The following PARP4 variants were observed in gnomAD, a reference collection of about 807,000 sequenced individuals.
PARP4 encodes the protein protein mono-ADP-ribosyltransferase PARP4.
A neutral mutation model predicts 187.7 loss-of-function variants in PARP4; 120 were observed. The ratio of observed to expected loss-of-function variants is 0.64; its 90% CI spans 0.55 to 0.74. The LOEUF (loss-of-function observed/expected upper bound fraction) is 0.74, where lower values mean the gene tolerates loss of function less well. PARP4 is among the 30% of genes least tolerant of loss of function. PARP4 has a pLI of 0.00. For missense variants in PARP4, 1,836 were observed against 2,070.5 expected, an observed-to-expected ratio of 0.89 and a Z score of 2.20; for synonymous variants, 654 against 740.9, an observed-to-expected ratio of 0.88 and a Z score of 1.90.
rs187301975 is a variant in PARP4 at position 24,509,299 on chromosome 13, G to T, written c.-2+3407C>A. Among the ~76,000 whole-genome samples the T allele has an allele frequency of 3.5e-3, 538 of 152,258 alleles. 1 individual carries two copies. Among genetic ancestry groups the T allele is most frequent in the African/African-American group, 0.012 (517 of 41,562 alleles). Reference sequence around the variant, plus strand: ...AGTGGAGCAAATCGCTTGAGCCCAGGAGTTTGAGAGCAGCCTGGCCAACAT... The same window carrying T: ...AGTGGAGCAAATCGCTTGAGCCCAGTAGTTTGAGAGCAGCCTGGCCAACAT... On this transcript the variant is annotated intron_variant, in intron 1 of 33. Coordinates refer to ENST00000381989, the MANE Select transcript of PARP4 (RefSeq NM_006437.4).
chr13:24,498,267 G>C, intron 5 of PARP4, 38 bp from the exon 6 acceptor site: 1 of 1,280,310 alleles, frequency 7.8e-7, no homozygotes, highest in Non-Finnish European at 1.1e-6. Flanking sequence ...CTGCACTCGG[G>C]AAACATCAAA....
intron 30 of PARP4, among the ~76,000 whole-genome samples, chr13:24,436,557 C>T (rs908670914): frequency 2.0e-5 from 3 of 152,216 alleles, no homozygotes; most frequent in African/African-American, 7.2e-5. Context: ...ATCCTCTCAG[C>T]TTGGCCCCTC....
intron 27 of PARP4, 100 bp from the exon 28 acceptor site, chr13:24,443,830 G>C (rs1423580416): frequency 7.6e-6 from 6 of 792,562 alleles, no homozygotes; most frequent in Non-Finnish European, 1.3e-5. Flanking sequence ...TCTGCATACA[G>C]TAAAATGCAC....
intron 27 of PARP4, among the ~76,000 whole-genome samples, 160 bp downstream of exon 27, chr13:24,446,521 A>T (rs1348846703): frequency 1.3e-5 from 2 of 151,980 alleles, no homozygotes; most frequent in African/African-American, 2.4e-5. Context: ...TTGAAAAAAA[A>T]TTTCATAATG....
chr13:24,442,794 A>G (rs1159477671), intron 28 of PARP4, 109 bp from the exon 29 acceptor site: 2 of 617,184 alleles, frequency 3.2e-6, no homozygotes, highest in Non-Finnish European at 5.9e-6. Context: ...TGCAGGTCCC[A>G]TCTAAATCGG....
intron 23 of PARP4, 112 bp from the exon 24 acceptor site, chr13:24,452,705 T>C: frequency 1.3e-6 from 1 of 776,418 alleles, no homozygotes. Context: ...ACCGAAAATA[T>C]TTTCTTTCCC....
chr13:24,430,126 T>A (rs1870259259), intron 32 of PARP4, among the ~76,000 whole-genome samples: 2 of 152,208 alleles, frequency 1.3e-5, no homozygotes, highest in Admixed American at 1.3e-4. Flanking sequence ...GGAGAGTTAG[T>A]CAGATAGAGG....
Position 24,435,066 on chromosome 13 carries a change from ACTGT to A in PARP4, c.4071_4074del (p.Arg1357SerfsTer49). ...CCTTGGCTGAATTGAGATGCATCAA[ACTGT>A]CTGGGAGGAGCAGCTGAACCGAAAC... On this transcript the variant is annotated frameshift_variant, in exon 31 of 34. Transcript: ENST00000381989. LOFTEE classifies it high-confidence loss of function. 6.2e-7 allele frequency: 1 copy of A among 1,614,138 alleles called. No individual in the cohort carries two copies. The highest frequency in any genetic ancestry group is 8.5e-7 in the Non-Finnish European group (1 of 1,180,030).
chr13:24,422,534 G>C (rs1414355322), intron 33 of PARP4, among the ~76,000 whole-genome samples: 1 of 152,118 alleles, frequency 6.6e-6, no homozygotes, highest in Non-Finnish European at 1.5e-5. Flanking sequence ...ATGTGCTCTT[G>C]CATCAATGTT....
chr13:24,510,368 A>C (rs1869935586), intron 1 of PARP4, among the ~76,000 whole-genome samples: 1 of 151,796 alleles, frequency 6.6e-6, no homozygotes, highest in African/African-American at 2.4e-5. Flanking sequence ...TCCCGGCTAA[A>C]ACGGTGAAAC....
At chr13:24,468,328 G>A (rs1000160553) in intron 17 of PARP4, among the ~76,000 whole-genome samples, 1 of 151,614 alleles carries the variant, frequency 6.6e-6, no homozygotes, top group African/African-American at 2.4e-5. Context: ...CGGCAGAAAT[G>A]CCTCCCTGCT....
intron 32 of PARP4, among the ~76,000 whole-genome samples, chr13:24,429,757 T>C (rs1870241139): frequency 6.6e-6 from 1 of 152,220 alleles, no homozygotes; most frequent in Non-Finnish European, 1.5e-5. Flanking sequence ...ATGTAGAGGT[T>C]AGGAGACAGC....
chr13:24,448,526 A>G (rs1224764007), intron 25 of PARP4, among the ~76,000 whole-genome samples: 3 of 152,064 alleles, frequency 2.0e-5, no homozygotes, highest in African/African-American at 7.2e-5. Flanking sequence ...TGGTGGTGGG[A>G]ATGTAAAATG....
In PARP4 at chr13:24,483,183, C is replaced by T. The variant is rs1254145482; in HGVS notation, c.1448+1470G>A. On this transcript the variant is annotated intron_variant, in intron 12 of 33. Coordinates refer to ENST00000381989, the MANE Select transcript of PARP4 (RefSeq NM_006437.4). ...TACAGGTGTGTGACACAATGCCTGG[C>T]TAATTTTAAAAAGTTTTTTTTGGCC... Among the ~76,000 whole-genome samples the T allele has an allele frequency of 5.9e-5, 9 of 152,048 alleles. 1 individual carries two copies. In the South Asian group the frequency reaches 1.7e-3, roughly 28 times the overall value.
At chr13:24,433,202 T>C (rs943212119) in intron 31 of PARP4, among the ~76,000 whole-genome samples, 9 of 152,304 alleles carry the variant, frequency 5.9e-5, no homozygotes, top group Admixed American at 1.3e-4. Flanking sequence ...ATATAAATGC[T>C]AAACCATCGC....
chr13:24,433,090 G>A (rs1870431481), intron 31 of PARP4, among the ~76,000 whole-genome samples: 1 of 152,164 alleles, frequency 6.6e-6, no homozygotes. Context: ...CTGAGGCAGG[G>A]CTTGCGTAAC....
chr13:24,476,947 C>T (rs1302199295), intron 14 of PARP4, among the ~76,000 whole-genome samples: 1 of 152,182 alleles, frequency 6.6e-6, no homozygotes, highest in Non-Finnish European at 1.5e-5. Context: ...CGCAAAAGGT[C>T]ATGCAGTTTC....
chr13:24,446,863 A>C, intron 26 of PARP4, 102 bp from the exon 27 acceptor site: 1 of 1,376,082 alleles, frequency 7.3e-7, no homozygotes, highest in South Asian at 1.3e-5. Flanking sequence ...CTTTCAATAA[A>C]AACTAGAAGC....
At position 24,459,532 on chromosome 13, in the gene PARP4, T is replaced by TACACACACACACAC. The variant is rs762453075; in HGVS notation, c.2299-236_2299-223dup. 9.6e-3 allele frequency: 3,048 copies of TACACACACACACAC among 316,282 alleles called. 81 individuals are homozygous for TACACACACACACAC. The highest frequency in any genetic ancestry group is 0.015 in the Admixed American group (259 of 17,466). The allele number at this position is 316,282 out of a possible 1,614,324, so 19.6% of individuals were successfully genotyped here. A position where few individuals can be genotyped will look rare whatever the true frequency, so the allele number is the denominator to read the frequency against. On this transcript the variant is annotated intron_variant, in intron 18 of 33. Coordinates refer to ENST00000381989, the MANE Select transcript of PARP4 (RefSeq NM_006437.4). ...TAAACTCTACATATGTCTGTGTGTA[T>TACACACACACACAC]ACACACACACACACGCACACACACA...
Sources: gnomAD v4.1 joint callset for allele counts (sites outside exome capture counted in the v4.1 genomes callset) on GRCh38, gnomAD v4.1.1 for gene constraint, MANE v1.5 for transcripts, NCBI Gene and HGNC (gene_info 2026-07-23, HGNC 2026-07-21) for gene names.